CRB1: variants seen among roughly 807,000 people sequenced by gnomAD.
CRB1 encodes crumbs cell polarity complex component 1.
Under a neutral mutation model 120.0 loss-of-function variants are expected in CRB1, and 83 were observed. The ratio of observed to expected loss-of-function variants is 0.69; its 90% CI spans 0.58 to 0.83. The LOEUF (loss-of-function observed/expected upper bound fraction) is 0.83, where lower values mean the gene tolerates loss of function less well. Ranked by LOEUF, CRB1 falls within the 40% of genes least tolerant of loss-of-function variation. CRB1 has a pLI of 0.00. For synonymous variants in CRB1, 625 were observed against 612.5 expected (o/e 1.02, Z -0.30); for missense variants, 1,699 against 1,687.6 (o/e 1.01, Z -0.12).
chr1:197,473,168 G>A lies in CRB1; in HGVS notation c.4006-4496G>A, dbSNP rs1667053867. ...CATTTCTGAGAGAAGTGGGAAAACAGTATATGTAGGCTAAGTATACTAAAC... is the reference window on the plus strand; with the variant it reads ...CATTTCTGAGAGAAGTGGGAAAACAATATATGTAGGCTAAGTATACTAAAC... On this transcript the variant is annotated intron_variant, in intron 11 of 11. Coordinates refer to ENST00000367400, the MANE Select transcript of CRB1 (RefSeq NM_201253.3). Among the ~76,000 whole-genome samples, 7 of 152,292 alleles carry A rather than the reference G, an allele frequency of 4.6e-5. No individual in the cohort carries two copies. The South Asian group carries it at 1.5e-3, about 32-fold the overall frequency.
the CRB1 span, among the ~76,000 whole-genome samples, chr1:197,202,383 T>G: frequency 4.6e-5 from 7 of 152,128 alleles, no homozygotes; most frequent in African/African-American, 1.7e-4. Flanking sequence ...CCTGTGAGAC[T>G]CATCCCACAA....
chr1:197,445,286 G>A (rs1302889572), intron 11 of CRB1, among the ~76,000 whole-genome samples: 1 of 152,046 alleles, frequency 6.6e-6, no homozygotes, highest in African/African-American at 2.4e-5. Context: ...AACTAAACAG[G>A]GCTATGTCTC....
chr1:197,469,021 T>C (rs1343064967), intron 11 of CRB1, among the ~76,000 whole-genome samples: 2 of 152,118 alleles, frequency 1.3e-5, no homozygotes, highest in African/African-American at 4.8e-5. Flanking sequence ...CAACTGGTGA[T>C]GACCCTCATG....
the CRB1 span, among the ~76,000 whole-genome samples, chr1:197,211,399 A>G: frequency 1.3e-5 from 2 of 152,238 alleles, no homozygotes; most frequent in African/African-American, 4.8e-5. Context: ...CTTATATACA[A>G]TAGAAATTTA....
intron 5 of CRB1, among the ~76,000 whole-genome samples, chr1:197,415,736 G>A (rs551210175): frequency 1.4e-5 from 2 of 145,092 alleles, no homozygotes; most frequent in South Asian, 4.4e-4. Flanking sequence ...TCCGCCTCCC[G>A]GGTTGACGCC....
the CRB1 span, among the ~76,000 whole-genome samples, chr1:197,226,434 C>G: frequency 6.6e-6 from 1 of 152,042 alleles, no homozygotes; most frequent in Non-Finnish European, 1.5e-5. Context: ...TATTAAAATA[C>G]TTTAGTTTTT....
intron 5 of CRB1, among the ~76,000 whole-genome samples, chr1:197,410,484 G>T (rs1048285196): frequency 6.6e-6 from 1 of 152,194 alleles, no homozygotes; most frequent in Non-Finnish European, 1.5e-5. Flanking sequence ...TAAAAATAGA[G>T]TTAGTGAATT....
chr1:197,328,396 T>A, intron 1 of CRB1, 26 bp from the exon 2 acceptor site: 1 of 1,556,898 alleles, frequency 6.4e-7, no homozygotes, highest in Non-Finnish European at 8.9e-7. Context: ...ATAAATTTAA[T>A]CTTGTTACTT....
At chr1:197,239,085 C>T in the CRB1 span, among the ~76,000 whole-genome samples, 1 of 151,858 alleles carries the variant, frequency 6.6e-6, no homozygotes, top group South Asian at 2.1e-4. Context: ...ATATCAAGCT[C>T]TATATAATTT....
chr1:197,462,017 C>T (rs1400933676), intron 11 of CRB1, among the ~76,000 whole-genome samples: 2 of 152,148 alleles, frequency 1.3e-5, no homozygotes, highest in African/African-American at 4.8e-5. Flanking sequence ...TGCAGGAACT[C>T]ATCGCGGAGG....
At position 197,303,400 on chromosome 1, in the gene CRB1, A is replaced by C. The variant is rs1157537354; in HGVS notation, c.71-25022A>C. Among the ~76,000 whole-genome samples the C allele has an allele frequency of 2.0e-5, 3 of 150,412 alleles. No individual in the cohort carries two copies. The East Asian group carries it at 5.9e-4, about 30-fold the overall frequency. ...ATGTGGTGTTTGGTTTTTTGTATGA[A>C]AAGAAGATCTTGTTCATTTTTCCTG... is the stretch of plus-strand genomic sequence containing the variant. On this transcript the variant is annotated intron_variant, in intron 1 of 11. Coordinates refer to ENST00000367400, the MANE Select transcript of CRB1 (RefSeq NM_201253.3).
In CRB1 at chr1:197,438,596, A is replaced by T; in HGVS notation, c.3799A>T (p.Thr1267Ser). The change falls in exon 10 of 12, where the codon ACT becomes TCT. Residue 1267 changes from threonine to serine, a missense_variant. Thr to Ser is a moderately conservative substitution (Grantham distance 58). Transcript: ENST00000367400. ...CTGTGGGAATGAGAAGACAAATCTC[A>T]CTTGCTACAATGGAGGCAACTGCAC... ...TVCGNEKTNL[T>S]CYNGGNCTEF... 6.2e-7 allele frequency: 1 copy of T among 1,611,994 alleles called. No homozygotes were observed. Among genetic ancestry groups the T allele is most frequent in the Non-Finnish European group, 8.5e-7 (1 of 1,178,244 alleles).
At chr1:197,290,508 T>A (rs1348639655) in intron 1 of CRB1, among the ~76,000 whole-genome samples, 3 of 151,510 alleles carry the variant, frequency 2.0e-5, no homozygotes, top group African/African-American at 7.3e-5. Context: ...TCCCCCCAGC[T>A]CCTTTCCATG....
At chr1:197,340,252 G>A (rs1430656004) in intron 2 of CRB1, among the ~76,000 whole-genome samples, 1 of 152,146 alleles carries the variant, frequency 6.6e-6, no homozygotes, top group East Asian at 1.9e-4. Flanking sequence ...CCTGGGGAAG[G>A]AGGGAGTGAG....
chr1:197,450,680 C>T (rs562345141), intron 11 of CRB1, among the ~76,000 whole-genome samples: 1 of 150,504 alleles, frequency 6.6e-6, no homozygotes, highest in Non-Finnish European at 1.5e-5. Flanking sequence ...GTGGCTCATG[C>T]CTGTAATCCC....
chr1:197,382,080 G>A (rs1346721067), intron 5 of CRB1, among the ~76,000 whole-genome samples: 1 of 152,124 alleles, frequency 6.6e-6, no homozygotes, highest in East Asian at 1.9e-4. Context: ...ATGGTGACGG[G>A]GAGTAGGGAC....
intron 5 of CRB1, among the ~76,000 whole-genome samples, chr1:197,370,309 A>G (rs1371949464): frequency 2.0e-5 from 3 of 152,184 alleles, no homozygotes; most frequent in African/African-American, 7.2e-5. Flanking sequence ...GACTTAAACT[A>G]TACTCTAAAA....
At chr1:197,477,626 C>T (rs1423034727) in intron 11 of CRB1, 38 bp from the exon 12 acceptor site, 2 of 1,585,294 alleles carry the variant, frequency 1.3e-6, no homozygotes, top group East Asian at 2.2e-5. Flanking sequence ...TTTGCCTTTG[C>T]TATAGAATTC....
chr1:197,251,308 GGTT>G, the CRB1 span, among the ~76,000 whole-genome samples: 4 of 151,844 alleles, frequency 2.6e-5, no homozygotes, highest in Non-Finnish European at 4.4e-5. Context: ...GAAGTGTTTT[GGTT>G]GTTGTTGTTG....
Sources: gnomAD v4.1 joint callset for allele counts (sites outside exome capture counted in the v4.1 genomes callset) on GRCh38, gnomAD v4.1.1 for gene constraint, MANE v1.5 for transcripts, NCBI Gene and HGNC (gene_info 2026-07-23, HGNC 2026-07-21) for gene names.